ST8SIA5: variants seen among roughly 807,000 people sequenced by gnomAD.
ST8SIA5 encodes alpha-2,8-sialyltransferase 8E.
Under a neutral mutation model 40.2 loss-of-function variants are expected in ST8SIA5, and 24 were observed. The ratio of observed to expected loss-of-function variants is 0.60; its 90% CI spans 0.43 to 0.84. The LOEUF is 0.84. Ranked by LOEUF, ST8SIA5 falls within the 40% of genes least tolerant of loss-of-function variation. The pLI, the probability that ST8SIA5 is intolerant of heterozygous loss-of-function variation, is 0.00. For synonymous variants in ST8SIA5, 198 were observed against 201.8 expected, an observed-to-expected ratio of 0.98 and a Z score of 0.16; for missense variants, 465 against 498.5, an observed-to-expected ratio of 0.93 and a Z score of 0.64.
rs1158175698 is a variant in ST8SIA5, at chr18:46,688,844, C to T, written c.387G>A (p.Lys129=). The stretch of plus-strand genomic sequence containing the variant: ...CACTGGTGTCCACCTCATACTTGAG[C>T]TTTGTCCCCAGGGGAGTGTTCTTCT... ...TTQKNTPLGT[K]LKYEVDTSGI... is the part of the protein sequence containing the mutation. The change falls in exon 4 of 7, where the codon AAG becomes AAA. Residue 129 remains lysine (K), a synonymous_variant. Coordinates refer to ENST00000315087, the MANE Select transcript of ST8SIA5 (RefSeq NM_013305.6). 25 of 1,613,994 alleles carry T rather than the reference C, an allele frequency of 1.5e-5. No individual in the cohort carries two copies. The highest frequency in any genetic ancestry group is 1.9e-5 in the Non-Finnish European group (23 of 1,180,018).
At chr18:46,749,400 G>A (rs1182367927) in intron 1 of ST8SIA5, among the ~76,000 whole-genome samples, 5 of 152,128 alleles carry the variant, frequency 3.3e-5, no homozygotes, top group African/African-American at 1.2e-4. Context: ...AGAAGAAAAC[G>A]ATGAGGACTA....
chr18:46,751,211 T>G (rs1322633137), intron 1 of ST8SIA5, among the ~76,000 whole-genome samples: 2 of 152,166 alleles, frequency 1.3e-5, no homozygotes, highest in Non-Finnish European at 2.9e-5. Context: ...GTCTCTCATA[T>G]CATTGGAATC....
rs1033382168 is a variant in ST8SIA5 at position 46,704,421 on chromosome 18, A to G, written c.224+151T>C. The G allele has an allele frequency of 1.3e-5, 9 of 692,918 alleles. No individual in the cohort carries two copies. The Admixed American group carries it at 2.2e-4, about 17-fold the overall frequency. The allele number at this position is 692,918 out of a possible 1,614,324, so 42.9% of individuals were successfully genotyped here. Reference sequence around the variant, plus strand: ...AGCCCTCCAGGGCTTTCCGAATGCCAGTGGCTCTGGGGAAGGAGACCTACT... The same window carrying G: ...AGCCCTCCAGGGCTTTCCGAATGCCGGTGGCTCTGGGGAAGGAGACCTACT... On this transcript the variant is annotated intron_variant, in intron 2 of 6. Transcript: ENST00000315087.
chr18:46,734,263 A>G (rs1417250505), intron 1 of ST8SIA5, among the ~76,000 whole-genome samples: 2 of 152,146 alleles, frequency 1.3e-5, no homozygotes, highest in Admixed American at 6.5e-5. Flanking sequence ...CTCATCAGAA[A>G]AAGGAAGGGG....
intron 1 of ST8SIA5, among the ~76,000 whole-genome samples, chr18:46,749,735 C>G (rs1368308626): frequency 6.6e-6 from 1 of 152,126 alleles, no homozygotes; most frequent in Non-Finnish European, 1.5e-5. Context: ...AACTATATAG[C>G]TAGACATGAA....
chr18:46,697,258 A>G (rs2039565893), intron 2 of ST8SIA5, among the ~76,000 whole-genome samples: 1 of 152,148 alleles, frequency 6.6e-6, no homozygotes, highest in African/African-American at 2.4e-5. Flanking sequence ...TTAAATATGG[A>G]TAGATAGCCA....
chr18:46,724,253 C>T (rs1312747838), intron 1 of ST8SIA5, among the ~76,000 whole-genome samples: 2 of 152,256 alleles, frequency 1.3e-5, no homozygotes, highest in Non-Finnish European at 2.9e-5. Context: ...CAGCCAGACC[C>T]TGGGCTGAGG....
chr18:46,742,966 G>A (rs1304950711), intron 1 of ST8SIA5, among the ~76,000 whole-genome samples: 1 of 152,222 alleles, frequency 6.6e-6, no homozygotes, highest in East Asian at 1.9e-4. Context: ...CAATAGACCT[G>A]CAGGTGAGGG....
At chr18:46,690,978 G>C (rs2039499445) in intron 3 of ST8SIA5, among the ~76,000 whole-genome samples, 1 of 152,158 alleles carries the variant, frequency 6.6e-6, no homozygotes, top group Non-Finnish European at 1.5e-5. Context: ...TCACTGACCT[G>C]GTCCAGGCTG....
chr18:46,733,454 T>G (rs2040003988), intron 1 of ST8SIA5, among the ~76,000 whole-genome samples: 1 of 152,172 alleles, frequency 6.6e-6, no homozygotes, highest in Admixed American at 6.5e-5. Flanking sequence ...CCAGGCCACA[T>G]ACTGAGGCTC....
At position 46,749,646 on chromosome 18, in the gene ST8SIA5, C is replaced by T. The variant is rs149288096; in HGVS notation, c.131+6732G>A. Among the ~76,000 whole-genome samples the T allele has an allele frequency of 3.0e-3, 459 of 152,150 alleles. 4 individuals are homozygous for T. Among genetic ancestry groups the T allele is most frequent in the African/African-American group, 0.01 (434 of 41,488 alleles). On this transcript the variant is annotated intron_variant, in intron 1 of 6. Transcript: ENST00000315087. Reference sequence around the variant, plus strand: ...CAAATTTATTTCTATATGCCAGCTACGAATGGTTAGAAAATATAACTTTTT... The same window carrying T: ...CAAATTTATTTCTATATGCCAGCTATGAATGGTTAGAAAATATAACTTTTT...
At chr18:46,725,513 A>C (rs1332014663) in intron 1 of ST8SIA5, among the ~76,000 whole-genome samples, 2 of 151,390 alleles carry the variant, frequency 1.3e-5, no homozygotes, top group African/African-American at 4.9e-5. Flanking sequence ...ATGACTTAGC[A>C]AGACACTCAT....
At chr18:46,715,941 G>C (rs538367087) in intron 1 of ST8SIA5, among the ~76,000 whole-genome samples, 2 of 151,982 alleles carry the variant, frequency 1.3e-5, no homozygotes, top group African/African-American at 2.4e-5. Flanking sequence ...TAACAGCAAG[G>C]AGCTGAGGGC....
intron 1 of ST8SIA5, among the ~76,000 whole-genome samples, chr18:46,751,131 T>TCCCC (rs1306769492): frequency 6.6e-6 from 1 of 152,068 alleles, no homozygotes; most frequent in Non-Finnish European, 1.5e-5. Flanking sequence ...AAAAGATGAC[T>TCCCC]CCCCATCCCA....
chr18:46,700,117 A>G (rs1243891195), intron 2 of ST8SIA5, among the ~76,000 whole-genome samples: 2 of 152,264 alleles, frequency 1.3e-5, no homozygotes, highest in Non-Finnish European at 2.9e-5. Flanking sequence ...AAATAATTTT[A>G]GTAAGAATTA....
chr18:46,741,920 C>T (rs910423670), intron 1 of ST8SIA5, among the ~76,000 whole-genome samples: 3 of 151,662 alleles, frequency 2.0e-5, no homozygotes, highest in Non-Finnish European at 2.9e-5. Flanking sequence ...TGAGCAACAT[C>T]GTGAAATCCC....
At chr18:46,682,377 G>A (rs1202579681) in intron 5 of ST8SIA5, among the ~76,000 whole-genome samples, 1 of 152,242 alleles carries the variant, frequency 6.6e-6, no homozygotes, top group Non-Finnish European at 1.5e-5. Context: ...GAGGACAGGT[G>A]GCTGGGGAGC....
Position 46,686,261 on chromosome 18 carries a change from A to G in ST8SIA5, c.482T>C (p.Phe161Ser). The G allele has an allele frequency of 1.9e-6, 3 of 1,614,076 alleles. No homozygotes were observed. The highest frequency in any genetic ancestry group is 2.5e-6 in the Non-Finnish European group (3 of 1,180,000). The part of the protein sequence containing the change: ...PKDMPYYRSQ[F>S]KKCAVVGNGG... The stretch of plus-strand genomic sequence containing the variant: ...GTTGCCCACTACAGCACACTTCTTA[A>G]ACTGGGACCGGTAGTAGGGCATGTC... The change falls in exon 5 of 7, where the codon TTT (phenylalanine) becomes TCT (serine). Residue 161 changes from phenylalanine (F) to serine (S), a missense_variant. Coordinates refer to ENST00000315087, the MANE Select transcript of ST8SIA5 (RefSeq NM_013305.6).
At chr18:46,737,941 T>G (rs2040051003) in intron 1 of ST8SIA5, among the ~76,000 whole-genome samples, 1 of 152,050 alleles carries the variant, frequency 6.6e-6, no homozygotes, top group Non-Finnish European at 1.5e-5. Flanking sequence ...CGAATAATTT[T>G]TGTATTTTTA....
Sources: allele counts gnomAD v4.1 joint callset (sites outside exome capture counted in the v4.1 genomes callset), GRCh38; gene constraint gnomAD v4.1.1; transcripts MANE v1.5; gene names NCBI Gene and HGNC (gene_info 2026-07-23, HGNC 2026-07-21).